Variants in CHRM3 observed in about 807,000 individuals in gnomAD.
The protein encoded by CHRM3 is cholinergic receptor muscarinic 3, also known as muscarinic acetylcholine receptor M3.
CHRM3 carries 11 observed loss-of-function variants against 41.8 expected under a neutral mutation model. That is an observed-to-expected ratio of 0.26 (90% CI 0.17 to 0.44). CHRM3 has a LOEUF of 0.44. Ranked by LOEUF, CHRM3 falls within the 20% of genes least tolerant of loss-of-function variation. The pLI is 1.00. For missense variants in CHRM3, 571 were observed against 745.4 expected (o/e 0.77, Z 2.72); for synonymous variants, 297 against 301.4 (o/e 0.99, Z 0.15).
intron 6 of CHRM3, among the ~76,000 whole-genome samples, chr1:239,874,285 G>GCA (rs1268315000): frequency 1.2e-5 from 1 of 83,296 alleles, no homozygotes. Context: ...TATATACACA[G>GCA]TATATATATA....
At chr1:239,646,619 A>G (rs892046040) in intron 4 of CHRM3, among the ~76,000 whole-genome samples, 7 of 152,166 alleles carry the variant, frequency 4.6e-5, no homozygotes, top group Admixed American at 3.3e-4. Context: ...CAGGATTTAT[A>G]TAGGCAGAAA....
At chr1:239,662,339 A>G (rs927250254) in intron 4 of CHRM3, among the ~76,000 whole-genome samples, 1 of 152,142 alleles carries the variant, frequency 6.6e-6, no homozygotes, top group Non-Finnish European at 1.5e-5. Flanking sequence ...TTTTGAAATG[A>G]CTGTACATGA....
intron 1 of CHRM3, among the ~76,000 whole-genome samples, chr1:239,424,413 TG>T (rs1462753885): frequency 6.6e-6 from 1 of 152,092 alleles, no homozygotes; most frequent in Non-Finnish European, 1.5e-5. Flanking sequence ...TGGGAGGGTG[TG>T]AGGTCACCTC....
chr1:239,877,027 G>T (rs1191713736), intron 6 of CHRM3, among the ~76,000 whole-genome samples: 3 of 152,176 alleles, frequency 2.0e-5, no homozygotes, highest in Admixed American at 2.0e-4. Flanking sequence ...AAATCTCTGA[G>T]TTAGAAAAGA....
At chr1:239,562,645 T>G (rs1660975673) in intron 3 of CHRM3, among the ~76,000 whole-genome samples, 1 of 152,112 alleles carries the variant, frequency 6.6e-6, no homozygotes, top group Non-Finnish European at 1.5e-5. Flanking sequence ...ATCCCAGCGC[T>G]TTGGGAGGCT....
intron 5 of CHRM3, among the ~76,000 whole-genome samples, chr1:239,817,925 G>T (rs146198121): frequency 2.0e-5 from 3 of 152,158 alleles, no homozygotes; most frequent in Non-Finnish European, 2.9e-5. Context: ...CTACATCTAT[G>T]AAATGGCGAT....
intron 3 of CHRM3, among the ~76,000 whole-genome samples, chr1:239,585,678 A>G (rs952454290): frequency 7.9e-5 from 12 of 152,314 alleles, no homozygotes; most frequent in African/African-American, 2.9e-4. Flanking sequence ...CTCAGACTGA[A>G]TATTGTAAAA....
intron 6 of CHRM3, among the ~76,000 whole-genome samples, chr1:239,860,213 T>G (rs1317743198): frequency 6.6e-6 from 1 of 152,208 alleles, no homozygotes; most frequent in Non-Finnish European, 1.5e-5. Flanking sequence ...GTCTGTGACC[T>G]TAGGCAATTC....
chr1:239,554,793 A>G (rs1287048574), intron 3 of CHRM3, among the ~76,000 whole-genome samples: 2 of 145,774 alleles, frequency 1.4e-5, no homozygotes, highest in African/African-American at 5.1e-5. Flanking sequence ...GCAGTGGTGC[A>G]ATCTTGGCTT....
chr1:239,398,223 A>ACTCCC (rs1659665877), intron 1 of CHRM3, among the ~76,000 whole-genome samples: 1 of 152,112 alleles, frequency 6.6e-6, no homozygotes, highest in South Asian at 2.1e-4. Flanking sequence ...GGGTTAGTGA[A>ACTCCC]ATTATATAAA....
intron 5 of CHRM3, among the ~76,000 whole-genome samples, chr1:239,689,161 T>A (rs1328004628): frequency 6.6e-6 from 1 of 151,950 alleles, no homozygotes; most frequent in South Asian, 2.1e-4. Context: ...ACCCTTTCTA[T>A]GGGAGTTTTC....
chr1:239,434,696 CAG>C (rs1663095926), intron 1 of CHRM3, among the ~76,000 whole-genome samples: 2 of 151,870 alleles, frequency 1.3e-5, no homozygotes, highest in African/African-American at 4.8e-5. Flanking sequence ...ATGAGCAAAA[CAG>C]ACAAAAATTT....
chr1:239,890,513 TCTGAATTA>T lies in CHRM3; in HGVS notation c.-19-16911_-19-16904del, dbSNP rs536146846. Among the ~76,000 whole-genome samples, 133 of 152,306 alleles carry T rather than the reference TCTGAATTA, an allele frequency of 8.7e-4. 2 individuals are homozygous for T. The South Asian group carries it at 0.011, about 13-fold the overall frequency. ...CATACATACAATATTGAGAATAATG[TCTGAATTA>T]CTGAATTATTATAAGGATTTAATCT... On this transcript the variant is annotated intron_variant, in intron 6 of 6. Transcript: ENST00000676153.
At chr1:239,392,493 C>T (rs1463975556) in intron 1 of CHRM3, among the ~76,000 whole-genome samples, 1 of 152,204 alleles carries the variant, frequency 6.6e-6, no homozygotes, top group African/African-American at 2.4e-5. Flanking sequence ...TCACCTCTAG[C>T]ACAGGAAGTG....
chr1:239,876,248 C>T (rs1215107784), intron 6 of CHRM3, among the ~76,000 whole-genome samples: 1 of 152,226 alleles, frequency 6.6e-6, no homozygotes, highest in South Asian at 2.1e-4. Context: ...TATACACAGA[C>T]ATAGTCCACT....
At chr1:239,901,681 T>C (rs1679584938) in intron 6 of CHRM3, among the ~76,000 whole-genome samples, 1 of 152,164 alleles carries the variant, frequency 6.6e-6, no homozygotes, top group Admixed American at 6.5e-5. Flanking sequence ...TTAATATATA[T>C]CTAGTTGATT....
intron 6 of CHRM3, among the ~76,000 whole-genome samples, chr1:239,889,455 C>A (rs1165223662): frequency 6.6e-6 from 1 of 152,094 alleles, no homozygotes; most frequent in Non-Finnish European, 1.5e-5. Context: ...CCCTAGGTAG[C>A]CCTTTTCTAT....
chr1:239,680,752 C>T (rs1349048278), intron 5 of CHRM3, among the ~76,000 whole-genome samples: 2 of 151,608 alleles, frequency 1.3e-5, no homozygotes, highest in Non-Finnish European at 2.9e-5. Context: ...TGGCTGAGGT[C>T]TTTTCTCCTT....
intron 1 of CHRM3, among the ~76,000 whole-genome samples, chr1:239,451,932 A>C (rs958516974): frequency 5.3e-5 from 8 of 152,290 alleles, no homozygotes; most frequent in African/African-American, 1.9e-4. Flanking sequence ...TATATTTTTA[A>C]ATAAAAAATA....
Sources: allele counts gnomAD v4.1 joint callset (sites outside exome capture counted in the v4.1 genomes callset), GRCh38; gene constraint gnomAD v4.1.1; transcripts MANE v1.5; gene names NCBI Gene and HGNC (gene_info 2026-07-23, HGNC 2026-07-21).